Variants in YWHAE observed in about 807,000 individuals in gnomAD.
The protein encoded by YWHAE is 14-3-3 protein epsilon.
YWHAE carries 4 observed loss-of-function variants against 30.1 expected under a neutral mutation model. That is an observed-to-expected ratio of 0.13 (90% confidence interval 0.07 to 0.30). YWHAE has a LOEUF of 0.30. Among genes scored for constraint, YWHAE ranks in the 10% least tolerant of loss-of-function variants. YWHAE has a pLI of 1.00. For synonymous variants in YWHAE, 118 were observed against 111.8 expected, an observed-to-expected ratio of 1.06 and a Z score of -0.35; for missense variants, 121 against 315.9, an observed-to-expected ratio of 0.38 and a Z score of 4.68.
intron 1 of YWHAE, among the ~76,000 whole-genome samples, chr17:1,368,540 G>T (rs948235643): frequency 2.1e-5 from 3 of 142,900 alleles, no homozygotes; most frequent in Non-Finnish European, 4.5e-5. Context: ...CTCCAGCCTA[G>T]GCGACAGAGT....
chr17:1,365,135 C>T (rs937821729), intron 1 of YWHAE, 77 bp from the exon 2 acceptor site: 3 of 1,460,914 alleles, frequency 2.1e-6, no homozygotes, highest in African/African-American at 1.5e-5. Flanking sequence ...TAGTTTTTTT[C>T]TGTCAAGCTA....
At chr17:1,355,148 A>AAAAAAAAAAATT (rs1555639303) in intron 4 of YWHAE, among the ~76,000 whole-genome samples, 3 of 76,796 alleles carry the variant, frequency 3.9e-5, no homozygotes, top group Non-Finnish European at 5.3e-5. Flanking sequence ...AAAAAAAAAA[A>AAAAAAAAAAATT]TTTTTTTTTT....
At chr17:1,358,563 G>T (rs1402618319) in intron 4 of YWHAE, among the ~76,000 whole-genome samples, 2 of 151,640 alleles carry the variant, frequency 1.3e-5, no homozygotes, top group Admixed American at 1.3e-4. Flanking sequence ...AAATTGGCCG[G>T]GCGCAGTGGC....
intron 1 of YWHAE, among the ~76,000 whole-genome samples, chr17:1,378,620 C>T (rs1052149849): frequency 6.6e-6 from 1 of 152,190 alleles, no homozygotes; most frequent in African/African-American, 2.4e-5. Flanking sequence ...CAGACCATTT[C>T]AGGAGCAATA....
chr17:1,368,407 T>C (rs191455797), intron 1 of YWHAE, among the ~76,000 whole-genome samples: 1 of 149,048 alleles, frequency 6.7e-6, no homozygotes, highest in African/African-American at 2.5e-5. Context: ...AAAAGAAAAA[T>C]ACAAAAATTA....
intron 4 of YWHAE, among the ~76,000 whole-genome samples, chr17:1,358,900 C>T (rs1189170306): frequency 2.0e-5 from 3 of 150,448 alleles, no homozygotes; most frequent in Non-Finnish European, 4.4e-5. Flanking sequence ...TTTGGGAGGC[C>T]GAGGCGGGCA....
At chr17:1,364,690 G>T in intron 2 of YWHAE, 169 bp downstream of exon 2, 2 of 842,942 alleles carry the variant, frequency 2.4e-6, no homozygotes, top group South Asian at 1.8e-5. Flanking sequence ...ATAGCCACGG[G>T]TAAGTTTAAC....
At chr17:1,348,327 G>A (rs916932308) in intron 5 of YWHAE, among the ~76,000 whole-genome samples, 6 of 152,164 alleles carry the variant, frequency 3.9e-5, no homozygotes, top group African/African-American at 9.7e-5. Flanking sequence ...CTATGGATTC[G>A]TATATGAAAC....
intron 1 of YWHAE, among the ~76,000 whole-genome samples, chr17:1,386,933 A>G (rs2073309261): frequency 6.6e-6 from 1 of 151,024 alleles, no homozygotes; most frequent in Non-Finnish European, 1.5e-5. Flanking sequence ...CAGTCTGGGC[A>G]ACAGAGTGAG....
intron 5 of YWHAE, among the ~76,000 whole-genome samples, chr17:1,348,225 G>C (rs988706088): frequency 3.3e-5 from 5 of 152,164 alleles, no homozygotes; most frequent in African/African-American, 9.7e-5. Context: ...ACAGATATTA[G>C]GGGAAAAAGG....
At chr17:1,349,495 C>T (rs567542196) in intron 5 of YWHAE, among the ~76,000 whole-genome samples, 1 of 152,250 alleles carries the variant, frequency 6.6e-6, no homozygotes, top group East Asian at 1.9e-4. Context: ...TGACTGGAAG[C>T]ATTATATAAA....
chr17:1,397,116 C>T (rs950189377), intron 1 of YWHAE, among the ~76,000 whole-genome samples: 2 of 152,044 alleles, frequency 1.3e-5, no homozygotes, highest in African/African-American at 4.8e-5. Flanking sequence ...CCAGGCTGGT[C>T]TTGAACTCCC....
At chr17:1,357,217 C>A (rs140806985) in intron 4 of YWHAE, among the ~76,000 whole-genome samples, 13,597 of 151,834 alleles carry the variant, frequency 0.09, 988 homozygotes, top group Admixed American at 0.24. Context: ...TCCTGGCTAA[C>A]ACGGTGAAAC....
chr17:1,382,104 A>G (rs1042720966), intron 1 of YWHAE, among the ~76,000 whole-genome samples: 4 of 152,110 alleles, frequency 2.6e-5, no homozygotes, highest in African/African-American at 9.7e-5. Context: ...GCTGGAGTGC[A>G]GTGGCGCAAT....
Position 1,395,917 on chromosome 17 carries a change from G to A in YWHAE, c.64+4130C>T, listed in dbSNP as rs929156623. Among the ~76,000 whole-genome samples, 9 of 152,150 alleles carry A rather than the reference G, an allele frequency of 5.9e-5. No individual in the cohort carries two copies. The East Asian group carries it at 1.4e-3, about 23-fold the overall frequency. On this transcript the variant is annotated intron_variant, in intron 1 of 5. Coordinates refer to ENST00000264335, the MANE Select transcript of YWHAE (RefSeq NM_006761.5). ...GCGGATCACCTGAGGTCAGGAGTTC[G>A]AGATCAGCCTGGCCAACATGGCGAA...
intron 4 of YWHAE, among the ~76,000 whole-genome samples, chr17:1,356,505 G>A (rs910160502): frequency 3.5e-4 from 54 of 152,236 alleles, no homozygotes; most frequent in African/African-American, 1.1e-3. Flanking sequence ...TTAAGCAGAA[G>A]CATGAGCAAA....
intron 1 of YWHAE, among the ~76,000 whole-genome samples, chr17:1,379,257 G>A (rs558518704): frequency 3.3e-5 from 5 of 152,260 alleles, no homozygotes; most frequent in Non-Finnish European, 7.3e-5. Flanking sequence ...GGATGAAGCG[G>A]GCAGGCTGCT....
intron 5 of YWHAE, chr17:1,348,101 G>A: frequency 1.7e-6 from 1 of 582,960 alleles, no homozygotes. Flanking sequence ...GGAAAACAAT[G>A]ATACAGGAGC....
At position 1,400,072 on chromosome 17, in the gene YWHAE, C is replaced by A. The variant is rs748149659; in HGVS notation, c.39G>T (p.Leu13=). The change falls in exon 1 of 6, where the codon CTG becomes CTT. Residue 13 remains leucine (L), a synonymous_variant. Transcript: ENST00000264335. ...CGTCGTATCGCTCAGCCTGCTCGGC[C>A]AGCTTCGCCTGGTACACCAGATCCT... is the stretch of plus-strand genomic sequence containing the variant. ...DREDLVYQAK[L]AEQAERYDEM... 6.2e-7 allele frequency: 1 copy of A among 1,614,002 alleles called. No individual in the cohort carries two copies. The highest frequency in any genetic ancestry group is 1.3e-5 in the African/African-American group (1 of 74,920).
Sources: allele counts gnomAD v4.1 joint callset (sites outside exome capture counted in the v4.1 genomes callset), GRCh38; gene constraint gnomAD v4.1.1; transcripts MANE v1.5; gene names NCBI Gene and HGNC (gene_info 2026-07-23, HGNC 2026-07-21).